Variants in PDE4D observed in about 807,000 individuals in gnomAD.
PDE4D encodes the protein 3',5'-cyclic-AMP phosphodiesterase 4D.
PDE4D carries 24 observed loss-of-function variants against 87.4 expected under a neutral mutation model. The observed-to-expected ratio is 0.27, with a 90% confidence interval of 0.20 to 0.39. PDE4D has a LOEUF of 0.39. Ranked by LOEUF, PDE4D falls within the 10% of genes least tolerant of loss-of-function variation. The probability of loss-of-function intolerance (pLI) is 1.00; values close to 1 mark genes in which losing one functional copy is unlikely to be tolerated. For synonymous variants in PDE4D, 384 were observed against 383.2 expected, an observed-to-expected ratio of 1.00 and a Z score of -0.02; for missense variants, 714 against 1,041.0, an observed-to-expected ratio of 0.69 and a Z score of 4.32.
At chr5:59,016,112 A>T (rs1753907841) in intron 6 of PDE4D, among the ~76,000 whole-genome samples, 1 of 152,118 alleles carries the variant, frequency 6.6e-6, no homozygotes, top group Admixed American at 6.5e-5. Context: ...GGAACATCAC[A>T]CACTGGGGCC....
At chr5:59,863,440 C>T (rs1161912159) in intron 1 of PDE4D, among the ~76,000 whole-genome samples, 1 of 151,720 alleles carries the variant, frequency 6.6e-6, no homozygotes, top group African/African-American at 2.4e-5. Context: ...TTTCTATAGT[C>T]CTAAAGAGTT....
chr5:60,194,999 G>A (rs1741040487), intron 1 of PDE4D, among the ~76,000 whole-genome samples: 1 of 151,652 alleles, frequency 6.6e-6, no homozygotes, highest in African/African-American at 2.4e-5. Context: ...ACTTGCTATA[G>A]GGAACCACTT....
chr5:59,731,706 A>G (rs1424422018), intron 1 of PDE4D, among the ~76,000 whole-genome samples: 2 of 152,160 alleles, frequency 1.3e-5, no homozygotes, highest in Non-Finnish European at 2.9e-5. Context: ...AGTTTATTAC[A>G]TTGACACACA....
chr5:59,914,080 A>G (rs1192753392), intron 3 of PDE4D, among the ~76,000 whole-genome samples: 1 of 58 alleles, frequency 0.017, no homozygotes, highest in African/African-American at 0.056. Flanking sequence ...ATTGACTCCC[A>G]CTTGTGCAAA....
At chr5:59,553,150 A>C (rs1293898788) in intron 1 of PDE4D, among the ~76,000 whole-genome samples, 1 of 152,094 alleles carries the variant, frequency 6.6e-6, no homozygotes, top group Admixed American at 6.6e-5. Flanking sequence ...TTTTGCAAGA[A>C]GGCACAATTT....
intron 1 of PDE4D, among the ~76,000 whole-genome samples, chr5:60,287,162 C>T (rs1421524153): frequency 6.6e-6 from 1 of 152,126 alleles, no homozygotes; most frequent in African/African-American, 2.4e-5. Flanking sequence ...ACAGCACAGA[C>T]GGATACAAAA....
chr5:59,372,784 C>T (rs1453439040), intron 1 of PDE4D, among the ~76,000 whole-genome samples: 1 of 152,238 alleles, frequency 6.6e-6, no homozygotes, highest in Admixed American at 6.5e-5. Context: ...CCCACTAGCA[C>T]TTCACTGCAG....
chr5:60,417,716 G>A (rs1373345964), intron 1 of PDE4D, among the ~76,000 whole-genome samples: 1 of 151,894 alleles, frequency 6.6e-6, no homozygotes, highest in Non-Finnish European at 1.5e-5. Context: ...TTACCAAGAA[G>A]AAGAAAAAAA....
chr5:60,463,468 C>A (rs1199335021), intron 1 of PDE4D, among the ~76,000 whole-genome samples: 1 of 152,180 alleles, frequency 6.6e-6, no homozygotes, highest in Admixed American at 6.5e-5. Context: ...GACCACACAT[C>A]ACAATTATCC....
At chr5:60,419,208 T>C (rs1290344440) in intron 1 of PDE4D, among the ~76,000 whole-genome samples, 2 of 152,194 alleles carry the variant, frequency 1.3e-5, no homozygotes, top group Non-Finnish European at 2.9e-5. Flanking sequence ...AAGCATTGTT[T>C]ATAATAACCA....
intron 2 of PDE4D, among the ~76,000 whole-genome samples, chr5:60,128,568 G>T (rs1178215272): frequency 6.6e-6 from 1 of 152,224 alleles, no homozygotes; most frequent in Admixed American, 6.5e-5. Flanking sequence ...AGAAACCCAG[G>T]TGTCTGGGTG....
chr5:59,641,631 A>T (rs907431040), intron 1 of PDE4D, among the ~76,000 whole-genome samples: 17 of 152,204 alleles, frequency 1.1e-4, no homozygotes, highest in African/African-American at 4.1e-4. Flanking sequence ...ACATCAATAC[A>T]AAACCAGGCA....
intron 1 of PDE4D, among the ~76,000 whole-genome samples, chr5:59,544,568 G>C (rs1291432599): frequency 6.6e-6 from 1 of 152,166 alleles, no homozygotes; most frequent in East Asian, 1.9e-4. Flanking sequence ...AAAATAAGAA[G>C]CCCATTACTT....
chr5:59,624,002 A>ATTGGC (rs1273718567), intron 1 of PDE4D, among the ~76,000 whole-genome samples: 11 of 150,152 alleles, frequency 7.3e-5, no homozygotes, highest in African/African-American at 2.8e-4. Flanking sequence ...ATTTGGCCTT[A>ATTGGC]CTATTTTTTA....
intron 1 of PDE4D, among the ~76,000 whole-genome samples, chr5:60,236,292 G>C (rs1746423640): frequency 6.6e-6 from 1 of 151,752 alleles, no homozygotes; most frequent in Non-Finnish European, 1.5e-5. Context: ...CCCCTGCTAA[G>C]GGATTGAAAA....
chr5:59,798,197 C>T (rs56760334), intron 1 of PDE4D, among the ~76,000 whole-genome samples: 7,967 of 151,858 alleles, frequency 0.052, 742 homozygotes, highest in African/African-American at 0.18. Flanking sequence ...TGCACCACTA[C>T]ACTCCAGCTG....
At chr5:59,751,292 T>C (rs914235405) in intron 1 of PDE4D, among the ~76,000 whole-genome samples, 3 of 152,192 alleles carry the variant, frequency 2.0e-5, no homozygotes, top group Non-Finnish European at 4.4e-5. Context: ...GTGCCACTAG[T>C]AGAATTAACA....
At position 60,035,720 on chromosome 5, in the gene PDE4D, A is replaced by C. The variant is rs114251982; in HGVS notation, c.43-47003T>G. Among the ~76,000 whole-genome samples the C allele has an allele frequency of 3.3e-3, 504 of 152,300 alleles. 1 individual carries two copies. The highest frequency in any genetic ancestry group is 0.011 in the African/African-American group (469 of 41,568). On this transcript the variant is annotated intron_variant, in intron 2 of 16. Coordinates refer to the PDE4D transcript ENST00000502484. Reference sequence around the variant, plus strand: ...TCCTCCCAAATAGGGAGAGTGCAACATTATATCAAATGACCAAGTTAATTC... The same window carrying C: ...TCCTCCCAAATAGGGAGAGTGCAACCTTATATCAAATGACCAAGTTAATTC...
chr5:60,433,309 C>T (rs1287970294), intron 1 of PDE4D, among the ~76,000 whole-genome samples: 1 of 152,104 alleles, frequency 6.6e-6, no homozygotes, highest in African/African-American at 2.4e-5. Flanking sequence ...GGCCAACAAG[C>T]ATATGAAAAA....
Sources: gnomAD v4.1 joint callset for allele counts (sites outside exome capture counted in the v4.1 genomes callset) on GRCh38, gnomAD v4.1.1 for gene constraint, MANE v1.5 for transcripts, NCBI Gene and HGNC (gene_info 2026-07-23, HGNC 2026-07-21) for gene names.